The following TANC1 variants were observed in gnomAD, a reference collection of about 807,000 sequenced individuals.
The protein encoded by TANC1 is protein TANC1.
TANC1 carries 77 observed loss-of-function variants against 149.7 expected under a neutral mutation model. That is an observed-to-expected ratio of 0.51 (90% CI 0.43 to 0.62). The LOEUF (loss-of-function observed/expected upper bound fraction) is 0.62, where lower values mean the gene tolerates loss of function less well. Ranked by LOEUF, TANC1 falls within the 20% of genes least tolerant of loss-of-function variation. The pLI is 0.00. For missense variants in TANC1, 1,985 were observed against 2,321.8 expected (o/e 0.85, Z 2.98); for synonymous variants, 854 against 925.0 (o/e 0.92, Z 1.39).
Position 159,176,428 on chromosome 2 carries a change from T to G in TANC1, c.1812T>G (p.Tyr604Ter). The G allele has an allele frequency of 6.3e-7, 1 of 1,589,422 alleles. No individual in the cohort carries two copies. The highest frequency in any genetic ancestry group is 2.3e-5 in the East Asian group (1 of 44,244). Residue 604 changes from tyrosine to a stop codon, truncating the protein, a stop_gained, in exon 13 of 27, where the codon TAT becomes TAG. Transcript: ENST00000263635. LOFTEE classifies it high-confidence loss of function. ...LNEAEFHKPD[Y>*]GDTLSSFITK... ...AAGCTGAGTTTCATAAACCTGATTA[T>G]GGAGATACGCTTTCTTCATTTATTA...
chr2:159,206,141 C>CGT (rs1225819356), intron 19 of TANC1, among the ~76,000 whole-genome samples: 2 of 152,128 alleles, frequency 1.3e-5, no homozygotes, highest in African/African-American at 4.8e-5. Flanking sequence ...CTCAAGGGTG[C>CGT]GTGGGAGGGA....
chr2:159,180,251 G>T (rs1454435408), intron 14 of TANC1, among the ~76,000 whole-genome samples: 1 of 152,224 alleles, frequency 6.6e-6, no homozygotes, highest in African/African-American at 2.4e-5. Context: ...AGGTTATTTA[G>T]CCAGACCATA....
In TANC1 at chr2:159,175,115, T is replaced by A; in HGVS notation, c.1666T>A (p.Ser556Thr). The change falls in exon 12 of 27, where the codon TCC becomes ACC. Residue 556 changes from serine to threonine, a missense_variant. By Grantham distance (58) the Ser-to-Thr change is moderately conservative. Transcript: ENST00000263635. ...PQLQSMLSLR[S>T]CVQDPVAAFK... Reference sequence around the variant, plus strand: ...ACTACAGAGCATGCTGAGCCTCCGATCCTGTGTGCAGGACCCGGTGGCAGC... The same window carrying A: ...ACTACAGAGCATGCTGAGCCTCCGAACCTGTGTGCAGGACCCGGTGGCAGC... 6.2e-7 allele frequency: 1 copy of A among 1,614,166 alleles called. No individual in the cohort carries two copies. Among genetic ancestry groups the A allele is most frequent in the Non-Finnish European group, 8.5e-7 (1 of 1,180,022 alleles).
intron 1 of TANC1, among the ~76,000 whole-genome samples, chr2:158,988,945 G>A (rs1422890764): frequency 1.3e-5 from 2 of 152,088 alleles, no homozygotes; most frequent in African/African-American, 2.4e-5. Flanking sequence ...GACTAAAATT[G>A]GTCATTTTGT....
At chr2:159,100,954 T>A (rs1363430515) in intron 4 of TANC1, among the ~76,000 whole-genome samples, 1 of 152,196 alleles carries the variant, frequency 6.6e-6, no homozygotes, top group Non-Finnish European at 1.5e-5. Flanking sequence ...CTAGCACTGT[T>A]GCTGCTAATG....
Position 159,204,552 on chromosome 2 carries a change from G to A in TANC1, c.3244+5499G>A, listed in dbSNP as rs193041784. On this transcript the variant is annotated intron_variant, in intron 19 of 26. Coordinates refer to ENST00000263635, the MANE Select transcript of TANC1 (RefSeq NM_033394.3). Reference sequence around the variant, plus strand: ...GTCCTCATGCTGGTCTCTGGCAGTCGTCCTGCCCTGTCGTGGTCACCTCCT... The same window carrying A: ...GTCCTCATGCTGGTCTCTGGCAGTCATCCTGCCCTGTCGTGGTCACCTCCT... 1.3e-3 allele frequency among the ~76,000 whole-genome samples: 192 copies of A among 152,218 alleles called. 3 individuals carry two copies. The highest frequency in any genetic ancestry group is 4.7e-4 in the Non-Finnish European group (32 of 68,024).
At chr2:159,184,935 A>T (rs1481247484) in intron 14 of TANC1, among the ~76,000 whole-genome samples, 1 of 152,226 alleles carries the variant, frequency 6.6e-6, no homozygotes, top group Admixed American at 6.5e-5. Context: ...AGAAGCAGGC[A>T]TGCACCTGGA....
Position 159,162,077 on chromosome 2 carries a change from G to A in TANC1, c.683-1206G>A, listed in dbSNP as rs143251593. The stretch of plus-strand genomic sequence containing the variant: ...GAGGAGTAAAGACAGTCAGAATTGT[G>A]ACAGGATGTCCTGGGCCACTGCAAG... On this transcript the variant is annotated intron_variant, in intron 7 of 26. Transcript: ENST00000263635. Among the ~76,000 whole-genome samples, 214 of 152,306 alleles carry A rather than the reference G, an allele frequency of 1.4e-3. 1 individual carries two copies. The highest frequency in any genetic ancestry group is 5.1e-3 in the African/African-American group (210 of 41,560).
intron 2 of TANC1, among the ~76,000 whole-genome samples, chr2:159,042,908 A>T (rs543041431): frequency 1.3e-5 from 2 of 152,278 alleles, no homozygotes; most frequent in South Asian, 4.1e-4. Context: ...GGTTCTTGGC[A>T]TGTTATCTTA....
At chr2:159,030,816 A>G (rs374802938) in intron 2 of TANC1, among the ~76,000 whole-genome samples, 7 of 152,064 alleles carry the variant, frequency 4.6e-5, no homozygotes, top group East Asian at 3.9e-4. Context: ...TCATTTCCTA[A>G]TGCATCCGGA....
chr2:159,217,775 G>A, intron 20 of TANC1, 145 bp downstream of exon 20: 1 of 1,064,978 alleles, frequency 9.4e-7, no homozygotes, highest in South Asian at 1.6e-5. Flanking sequence ...AGGACTGCTT[G>A]ATAGAGCCAC....
At chr2:159,227,672 T>C in intron 24 of TANC1, 147 bp from the exon 25 acceptor site, 3 of 826,948 alleles carry the variant, frequency 3.6e-6, no homozygotes, top group South Asian at 3.4e-5. Flanking sequence ...GTGAACTAGC[T>C]CCCACCTTGA....
intron 18 of TANC1, among the ~76,000 whole-genome samples, 158 bp downstream of exon 18, chr2:159,196,951 C>T (rs973136261): frequency 1.3e-5 from 2 of 152,190 alleles, no homozygotes; most frequent in African/African-American, 4.8e-5. Flanking sequence ...ACATCCTTCC[C>T]GTGAGTGACA....
In TANC1 at chr2:159,231,151, T is replaced by A; in HGVS notation, c.*139T>A. The A allele has an allele frequency of 1.6e-6, 1 of 635,928 alleles. No individual in the cohort carries two copies. Among genetic ancestry groups the A allele is most frequent in the Non-Finnish European group, 2.7e-6 (1 of 372,038 alleles). The allele number at this position is 635,928 out of a possible 1,614,324, so 39.4% of individuals were successfully genotyped here. On this transcript the variant is annotated 3_prime_UTR_variant, in exon 27 of 27. Coordinates refer to ENST00000263635, the MANE Select transcript of TANC1 (RefSeq NM_033394.3). ...GTGGATCTGATGCCATTGATATATC[T>A]AAAATGTGGGATAAAACTTCTTTAA...
intron 2 of TANC1, among the ~76,000 whole-genome samples, chr2:159,025,823 A>T (rs764592222): frequency 6.6e-6 from 1 of 152,202 alleles, no homozygotes; most frequent in Non-Finnish European, 1.5e-5. Flanking sequence ...CTTGTTTGTC[A>T]TATAGGAAGG....
chr2:159,149,138 C>G lies in TANC1; in HGVS notation c.365-4C>G, dbSNP rs780000033. On this transcript the variant is annotated splice_region_variant and splice_polypyrimidine_tract_variant and intron_variant, in intron 5 of 26. Coordinates refer to ENST00000263635, the MANE Select transcript of TANC1 (RefSeq NM_033394.3). ...ATCTTCATTGTTTTCTTTCTTTGTT[C>G]CAGAAGCAAAGGCCGATAATGAACC... 1.9e-6 allele frequency: 3 copies of G among 1,573,656 alleles called. No individual in the cohort carries two copies. Among genetic ancestry groups the G allele is most frequent in the Non-Finnish European group, 2.6e-6 (3 of 1,159,716 alleles).
intron 4 of TANC1, among the ~76,000 whole-genome samples, chr2:159,122,215 G>A (rs924669698): frequency 6.6e-6 from 1 of 152,182 alleles, no homozygotes; most frequent in Non-Finnish European, 1.5e-5. Context: ...TGGAATTACA[G>A]GTGTGAGCCA....
intron 2 of TANC1, among the ~76,000 whole-genome samples, chr2:159,008,594 C>T (rs767218733): frequency 5.3e-5 from 8 of 152,204 alleles, no homozygotes; most frequent in Non-Finnish European, 8.8e-5. Flanking sequence ...AAGCAAAGTG[C>T]GAGACCATGA....
rs1257046495 is a variant in TANC1, at chr2:159,230,863, C to T, written c.5437C>T (p.His1813Tyr). ...AGAAAGCAAGTGCCAAATTCCAGTC[C>T]ACTCTCAAGAGAACAGGATAACTAA... ...LEESKCQIPV[H>Y]SQENRITKTV... Residue 1813 changes from histidine to tyrosine, a missense_variant, in exon 27 of 27, where the codon CAC (histidine) becomes TAC (tyrosine). This residue lies in a region of TANC1 where 920 missense variants were observed against 994.7 expected (regional missense o/e 0.92). Transcript: ENST00000263635. The surrounding 1 kb of genome is among the most constrained non-coding windows in gnomAD (Gnocchi z 4.4). The T allele has an allele frequency of 1.9e-6, 3 of 1,614,192 alleles. No individual in the cohort carries two copies. Among genetic ancestry groups the T allele is most frequent in the Admixed American group, 1.7e-5 (1 of 60,024 alleles).
Sources: gnomAD v4.1 joint callset for allele counts (sites outside exome capture counted in the v4.1 genomes callset) on GRCh38, gnomAD v4.1.1 for gene constraint, gnomAD v4.1.1 regional missense constraint, Gnocchi (gnomAD v3.1) non-coding constraint, MANE v1.5 for transcripts, NCBI Gene and HGNC (gene_info 2026-07-23, HGNC 2026-07-21) for gene names.